GPC6: variants seen among roughly 807,000 people sequenced by gnomAD.
GPC6 encodes glypican-6.
A neutral mutation model predicts 55.2 loss-of-function variants in GPC6; 14 were observed. The ratio of observed to expected loss-of-function variants is 0.25; its 90% CI spans 0.17 to 0.40. The LOEUF (loss-of-function observed/expected upper bound fraction) is 0.40. Ranked by LOEUF, GPC6 falls within the 10% of genes least tolerant of loss-of-function variation. The pLI is 1.00. For missense variants in GPC6, 641 were observed against 708.5 expected, an observed-to-expected ratio of 0.90 and a Z score of 1.08; for synonymous variants, 278 against 259.6, an observed-to-expected ratio of 1.07 and a Z score of -0.68.
intron 2 of GPC6, among the ~76,000 whole-genome samples, chr13:93,620,468 C>A (rs1206893577): frequency 6.6e-6 from 1 of 152,162 alleles, no homozygotes; most frequent in African/African-American, 2.4e-5. Context: ...CCATCAAGTT[C>A]TATTTCTTTA....
chr13:93,466,327 C>T (rs780088053), intron 1 of GPC6, among the ~76,000 whole-genome samples: 4 of 152,098 alleles, frequency 2.6e-5, no homozygotes, highest in African/African-American at 7.2e-5. Flanking sequence ...GTTTTCGTCA[C>T]GTATATCACG....
At chr13:94,157,693 G>T (rs1888002870) in intron 4 of GPC6, among the ~76,000 whole-genome samples, 1 of 152,180 alleles carries the variant, frequency 6.6e-6, no homozygotes, top group South Asian at 2.1e-4. Flanking sequence ...GAGGAGACTG[G>T]TTTGACTCCT....
chr13:94,128,358 A>G (rs1263296146), intron 4 of GPC6, among the ~76,000 whole-genome samples: 2 of 152,194 alleles, frequency 1.3e-5, no homozygotes, highest in African/African-American at 4.8e-5. Context: ...AGAGAGCACA[A>G]TAGATCACTG....
intron 5 of GPC6, among the ~76,000 whole-genome samples, chr13:94,302,904 C>T (rs2139107188): frequency 6.6e-6 from 1 of 152,380 alleles, no homozygotes; most frequent in Non-Finnish European, 1.5e-5. Context: ...ACCGTGGAAT[C>T]CAGCGACTAG....
At chr13:93,295,159 C>T (rs1322204285) in intron 1 of GPC6, among the ~76,000 whole-genome samples, 2 of 143,652 alleles carry the variant, frequency 1.4e-5, no homozygotes, top group East Asian at 4.0e-4. Flanking sequence ...GGCATTGTGG[C>T]GGTGTGCCTG....
intron 1 of GPC6, among the ~76,000 whole-genome samples, chr13:93,390,034 T>C (rs1875557125): frequency 6.6e-6 from 1 of 151,986 alleles, no homozygotes; most frequent in African/African-American, 2.4e-5. Flanking sequence ...CATTTTTTTT[T>C]TTTCTCCACC....
At chr13:93,474,195 A>G (rs1879224195) in intron 1 of GPC6, among the ~76,000 whole-genome samples, 1 of 152,124 alleles carries the variant, frequency 6.6e-6, no homozygotes. Context: ...TGTAGTCCTG[A>G]TGTCAGATAA....
chr13:93,270,238 A>C (rs61965666), intron 1 of GPC6, among the ~76,000 whole-genome samples: 1 of 136,704 alleles, frequency 7.3e-6, no homozygotes, highest in Non-Finnish European at 1.5e-5. Flanking sequence ...TGATAAAGTG[A>C]GACCTTTTCT....
chr13:93,950,312 G>C (rs553428169), intron 3 of GPC6, among the ~76,000 whole-genome samples: 5 of 152,304 alleles, frequency 3.3e-5, no homozygotes, highest in Non-Finnish European at 4.4e-5. Context: ...CCTTATTTAT[G>C]ATAGTAACTG....
At chr13:94,312,744 G>A (rs965365326) in intron 6 of GPC6, among the ~76,000 whole-genome samples, 1 of 125,862 alleles carries the variant, frequency 7.9e-6, no homozygotes, top group East Asian at 3.0e-4. Context: ...ACACACACAT[G>A]CACTCACCCT....
intron 4 of GPC6, among the ~76,000 whole-genome samples, chr13:94,269,070 C>T (rs1303815100): frequency 1.3e-5 from 2 of 151,952 alleles, no homozygotes; most frequent in African/African-American, 2.4e-5. Context: ...AGAATAACAT[C>T]GACCTCTTAG....
intron 1 of GPC6, among the ~76,000 whole-genome samples, chr13:93,330,166 T>C (rs1879796160): frequency 6.6e-6 from 1 of 152,202 alleles, no homozygotes; most frequent in Non-Finnish European, 1.5e-5. Flanking sequence ...TTGGATGTTC[T>C]GTATCTTGGG....
intron 1 of GPC6, among the ~76,000 whole-genome samples, chr13:93,483,514 A>G (rs910807951): frequency 9.9e-5 from 15 of 152,120 alleles, no homozygotes; most frequent in African/African-American, 2.4e-5. Flanking sequence ...CATCTATTCA[A>G]TTATATCTAA....
chr13:94,218,824 G>A (rs1017011998), intron 4 of GPC6, among the ~76,000 whole-genome samples: 1 of 152,060 alleles, frequency 6.6e-6, no homozygotes, highest in South Asian at 2.1e-4. Context: ...AGATTCCATG[G>A]CATTCTCAAC....
At chr13:93,600,822 C>T (rs767639371) in intron 2 of GPC6, among the ~76,000 whole-genome samples, 3 of 150,874 alleles carry the variant, frequency 2.0e-5, no homozygotes, top group Non-Finnish European at 3.0e-5. Context: ...TGGTGCTGGG[C>T]GCCTGTAATC....
At chr13:94,320,383 G>A (rs1447321643) in intron 6 of GPC6, among the ~76,000 whole-genome samples, 1 of 152,078 alleles carries the variant, frequency 6.6e-6, no homozygotes. Context: ...TATTTCTGCA[G>A]TTTCTTACAA....
chr13:93,338,026 TTTTG>T (rs1396291480), intron 1 of GPC6, among the ~76,000 whole-genome samples: 1 of 152,192 alleles, frequency 6.6e-6, no homozygotes, highest in Non-Finnish European at 1.5e-5. Context: ...TATTACCCTT[TTTTG>T]TTTGTTCATT....
intron 4 of GPC6, among the ~76,000 whole-genome samples, chr13:94,073,143 A>G (rs1363793256): frequency 6.6e-6 from 1 of 152,100 alleles, no homozygotes; most frequent in Non-Finnish European, 1.5e-5. Context: ...TCTGCATTGA[A>G]TGGCCAAAAA....
chr13:93,224,446 G>C (rs1291478225), upstream of GPC6, among the ~76,000 whole-genome samples: 1 of 152,036 alleles, frequency 6.6e-6, no homozygotes, highest in Non-Finnish European at 1.5e-5. Context: ...TGCCTGCCTC[G>C]GCCTTCCAAA....
Sources: allele counts gnomAD v4.1 joint callset (sites outside exome capture counted in the v4.1 genomes callset), GRCh38; gene constraint gnomAD v4.1.1; transcripts MANE v1.5; gene names NCBI Gene and HGNC (gene_info 2026-07-23, HGNC 2026-07-21).